The following CASK variants were observed in gnomAD, a reference collection of about 807,000 sequenced individuals.
CASK encodes the protein peripheral plasma membrane protein CASK.
In CASK, 4 loss-of-function variants were observed where a neutral mutation model predicts 82.9. That is an observed-to-expected ratio of 0.05 (90% confidence interval 0.02 to 0.11). CASK has a LOEUF of 0.11. CASK is among the 10% of genes least tolerant of loss of function. The probability of loss-of-function intolerance (pLI) is 1.00; values close to 1 mark genes in which losing one functional copy is unlikely to be tolerated. For missense variants in CASK, 358 were observed against 720.9 expected, an observed-to-expected ratio of 0.50 and a Z score of 5.76; for synonymous variants, 259 against 253.5, an observed-to-expected ratio of 1.02 and a Z score of -0.20.
At chrX:41,625,183 T>A (rs1033549832) in intron 10 of CASK, among the ~76,000 whole-genome samples, 1 of 88,647 alleles carries the variant, frequency 1.1e-5, no homozygotes, top group Non-Finnish European at 2.2e-5. Flanking sequence ...TATCTCTTAA[T>A]TTTTTTTTTT....
intron 25 of CASK, among the ~76,000 whole-genome samples, chrX:41,527,143 G>A (rs191603666): frequency 1.8e-5 from 2 of 110,753 alleles, no homozygotes; most frequent in Admixed American, 1.9e-4. Context: ...ATGTTCATGG[G>A]CAAATATTTC....
At chrX:41,822,116 C>G (rs748830391) in intron 2 of CASK, among the ~76,000 whole-genome samples, 1 of 112,706 alleles carries the variant, frequency 8.9e-6, no homozygotes, top group Admixed American at 9.3e-5. Context: ...CTAATCAAAA[C>G]TGGCTATTGT....
At chrX:41,812,726 G>C (rs1430389740) in intron 2 of CASK, among the ~76,000 whole-genome samples, 1 of 111,525 alleles carries the variant, frequency 9.0e-6, no homozygotes. Context: ...ACATAGTGTT[G>C]GAAGTTCTGG....
At chrX:41,562,650 A>G (rs921932034) in intron 16 of CASK, 1 of 112,111 alleles carries the variant, frequency 8.9e-6, no homozygotes, top group East Asian at 2.8e-4. Context: ...GAAAAATATC[A>G]TAATAGAAAT....
intron 9 of CASK, among the ~76,000 whole-genome samples, chrX:41,631,000 A>C (rs1328611901): frequency 1.8e-5 from 2 of 111,860 alleles, no homozygotes; most frequent in Admixed American, 1.9e-4. Flanking sequence ...CAGTTTAGTC[A>C]GCATAGCCTA....
At chrX:41,753,810 C>T (rs1007786242) in intron 3 of CASK, among the ~76,000 whole-genome samples, 7 of 111,715 alleles carry the variant, frequency 6.3e-5, no homozygotes, top group Non-Finnish European at 1.1e-4. Context: ...TGATTGAATC[C>T]AGGAGTTTGA....
At chrX:41,660,309 A>C (rs1311355450) in intron 8 of CASK, 130 bp downstream of exon 8, 6 of 554,026 alleles carry the variant, frequency 1.1e-5, no homozygotes, top group African/African-American at 2.3e-5. Flanking sequence ...AGCAAACAAG[A>C]TGAAAAAAAC....
intron 3 of CASK, among the ~76,000 whole-genome samples, chrX:41,750,208 A>T (rs1415991055): frequency 8.9e-6 from 1 of 112,497 alleles, no homozygotes; most frequent in East Asian, 2.8e-4. Flanking sequence ...GAGATATAGA[A>T]ATAAAAACTA....
At chrX:41,634,683 T>C (rs1189935838) in intron 9 of CASK, among the ~76,000 whole-genome samples, 1 of 112,291 alleles carries the variant, frequency 8.9e-6, no homozygotes, top group African/African-American at 3.2e-5. Flanking sequence ...AGCAATTAGG[T>C]TTAGAATGAC....
At chrX:41,524,997 A>C (rs186738777) in intron 25 of CASK, among the ~76,000 whole-genome samples, 1 of 111,357 alleles carries the variant, frequency 9.0e-6, no homozygotes, top group East Asian at 2.9e-4. Flanking sequence ...TTGCTCTCTA[A>C]ATGGTCTTTA....
Position 41,698,611 on chromosome X carries a change from C to T in CASK, c.430-27081G>A, listed in dbSNP as rs139673014. Reference sequence around the variant, plus strand: ...CATTTGAATATAGCTGTATAGAACACCATACAGTTGCAATCTAGGGGGTGT... The same window carrying T: ...CATTTGAATATAGCTGTATAGAACATCATACAGTTGCAATCTAGGGGGTGT... On this transcript the variant is annotated intron_variant, in intron 5 of 26. Transcript: ENST00000378163. Among the ~76,000 whole-genome samples the T allele has an allele frequency of 6.5e-3, 729 of 111,664 alleles. 9 individuals are homozygous for T. The highest frequency in any genetic ancestry group is 0.023 in the African/African-American group (697 of 30,763).
At chrX:41,914,170 T>G (rs2148095060) in intron 1 of CASK, among the ~76,000 whole-genome samples, 1 of 112,225 alleles carries the variant, frequency 8.9e-6, no homozygotes, top group East Asian at 2.8e-4. Flanking sequence ...TACTCTAACT[T>G]AAGTGTTAAA....
chrX:41,730,827 T>A (rs1017498413), intron 5 of CASK, among the ~76,000 whole-genome samples: 1 of 111,505 alleles, frequency 9.0e-6, no homozygotes, highest in African/African-American at 3.3e-5. Context: ...CTCAGCCTTC[T>A]GAATAGCTGG....
chrX:41,693,764 T>C (rs777803083), intron 5 of CASK, among the ~76,000 whole-genome samples: 1 of 111,751 alleles, frequency 8.9e-6, no homozygotes, highest in East Asian at 2.8e-4. Context: ...GCTCCCTTCC[T>C]TTCTCCCTCC....
intron 2 of CASK, among the ~76,000 whole-genome samples, chrX:41,829,730 T>TATATATATAC (rs2070752825): frequency 3.2e-5 from 1 of 31,584 alleles, no homozygotes; most frequent in Non-Finnish European, 5.2e-5. Flanking sequence ...TATATATATA[T>TATATATATAC]ATATATATAT....
intron 19 of CASK, chrX:41,556,244 A>T (rs2065158625): frequency 8.9e-6 from 1 of 112,940 alleles, no homozygotes; most frequent in Non-Finnish European, 1.9e-5. Context: ...GGAAAGAAGA[A>T]TACTGCTGCA....
At chrX:41,769,198 C>CTTTTT (rs759796998) in intron 3 of CASK, among the ~76,000 whole-genome samples, 1 of 91,568 alleles carries the variant, frequency 1.1e-5, no homozygotes, top group Non-Finnish European at 2.2e-5. Context: ...TTTTCTTTTT[C>CTTTTT]TTTTTTTTTT....
chrX:41,570,736 T>C (rs1410121052), intron 15 of CASK, among the ~76,000 whole-genome samples: 2 of 112,181 alleles, frequency 1.8e-5, no homozygotes, highest in East Asian at 5.6e-4. Flanking sequence ...AGCATAATTA[T>C]TTTGAGATTC....
intron 1 of CASK, among the ~76,000 whole-genome samples, chrX:41,876,164 A>ATAT (rs937953068): frequency 3.6e-5 from 4 of 110,951 alleles, no homozygotes; most frequent in Admixed American, 9.6e-5. Context: ...ATGTATTGGT[A>ATAT]TATTATTATT....
Sources: allele counts gnomAD v4.1 joint callset (sites outside exome capture counted in the v4.1 genomes callset), GRCh38; gene constraint gnomAD v4.1.1; transcripts MANE v1.5; gene names NCBI Gene and HGNC (gene_info 2026-07-23, HGNC 2026-07-21).